The following PCDH11X variants were observed in gnomAD, a reference collection of about 807,000 sequenced individuals.
The protein encoded by PCDH11X is protocadherin-11 X-linked.
PCDH11X carries 18 observed loss-of-function variants against 53.3 expected under a neutral mutation model. The ratio of observed to expected loss-of-function variants is 0.34; its 90% CI spans 0.23 to 0.50. The LOEUF (loss-of-function observed/expected upper bound fraction) is 0.50. PCDH11X is among the 20% of genes least tolerant of loss of function. PCDH11X has a pLI of 0.98. For missense variants in PCDH11X, 570 were observed against 1,032.4 expected (o/e 0.55, Z 6.14); for synonymous variants, 279 against 393.3 (o/e 0.71, Z 3.44).
In PCDH11X at chrX:91,973,458, A is replaced by C. The variant is rs753768231; in HGVS notation, c.3033+94185A>C. 6.4e-5 allele frequency among the ~76,000 whole-genome samples: 7 copies of C among 108,617 alleles called. No individual in the cohort carries two copies. In the South Asian group the frequency reaches 2.8e-3, roughly 44 times the overall value. The allele number at this position is 108,617 out of a possible 115,157, so 94.3% of individuals were successfully genotyped here. A position where few individuals can be genotyped will look rare whatever the true frequency, so the allele number is the denominator to read the frequency against. On this transcript the variant is annotated intron_variant, in intron 6 of 10. Coordinates refer to ENST00000682573, the MANE Select transcript of PCDH11X (RefSeq NM_032968.5). ...TATAATAAAAAAAAAAAATTAAAAA[A>C]AAAAAAAAGAAAATTGCTGGTGACA...
At chrX:91,832,542 T>G (rs1170426769) in intron 4 of PCDH11X, among the ~76,000 whole-genome samples, 1 of 103,458 alleles carries the variant, frequency 9.7e-6, no homozygotes, top group African/African-American at 3.5e-5. Flanking sequence ...TACCTAATGT[T>G]AAATGACGAG....
At chrX:92,359,215 T>A (rs2070289829) in intron 8 of PCDH11X, among the ~76,000 whole-genome samples, 1 of 107,310 alleles carries the variant, frequency 9.3e-6, no homozygotes, top group Non-Finnish European at 1.9e-5. Context: ...TTTTGGAGTG[T>A]GCAGAAGTGA....
chrX:91,992,012 T>C (rs1282493208), intron 6 of PCDH11X, among the ~76,000 whole-genome samples: 1 of 110,720 alleles, frequency 9.0e-6, no homozygotes, highest in Non-Finnish European at 1.9e-5. Context: ...TTTTTGCGTA[T>C]TGTATAATTT....
chrX:91,994,341 T>C lies in PCDH11X; in HGVS notation c.3033+115068T>C, dbSNP rs150116622. On this transcript the variant is annotated intron_variant, in intron 6 of 10. Transcript: ENST00000682573. ...CCCTCCCAGCCCTTGGTAATGACCA[T>C]TCTGCAATCTGTTTCTGAGTTTGAA... Among the ~76,000 whole-genome samples the C allele has an allele frequency of 3.3e-3, 366 of 109,920 alleles. 1 individual carries two copies. The highest frequency in any genetic ancestry group is 0.012 in the African/African-American group (357 of 30,069).
chrX:91,781,754 C>G (rs1230829955), intron 1 of PCDH11X, among the ~76,000 whole-genome samples: 1 of 111,954 alleles, frequency 8.9e-6, no homozygotes, highest in Admixed American at 9.4e-5. Flanking sequence ...ACACGTTTCC[C>G]CCTTTCTTGC....
At chrX:92,129,501 A>C (rs1320212383) in intron 6 of PCDH11X, among the ~76,000 whole-genome samples, 2 of 112,123 alleles carry the variant, frequency 1.8e-5, no homozygotes, top group Non-Finnish European at 3.8e-5. Context: ...AAAGCATACA[A>C]ATTTATTTAG....
intron 6 of PCDH11X, among the ~76,000 whole-genome samples, chrX:92,106,918 A>C (rs1439339374): frequency 9.0e-6 from 1 of 111,631 alleles, no homozygotes; most frequent in Admixed American, 9.5e-5. Flanking sequence ...CACCAGCATT[A>C]GCATCAACAC....
chrX:91,823,025 T>C lies in PCDH11X; in HGVS notation c.-45+11730T>C, dbSNP rs766334018. On this transcript the variant is annotated intron_variant, in intron 4 of 10. Transcript: ENST00000682573. ...ATCCTGAGTTCTAGTTTGATTGCAC[T>C]GTGGTCTGAGAGATAGTTTGTTATA... 6.8e-3 allele frequency among the ~76,000 whole-genome samples: 744 copies of C among 109,605 alleles called. 5 individuals are homozygous for C. The highest frequency in any genetic ancestry group is 0.023 in the African/African-American group (700 of 30,024).
intron 6 of PCDH11X, among the ~76,000 whole-genome samples, chrX:92,128,398 C>CTT (rs1286836898): frequency 1.2e-3 from 120 of 96,758 alleles, no homozygotes; most frequent in Middle Eastern, 5.1e-3. Flanking sequence ...CAGCATTAGT[C>CTT]TTTTTTTTTT....
rs752574427 is a variant in PCDH11X at position 92,132,348 on chromosome X, C to T, written c.3034-69027C>T. ...AAGCCAGGCGCAGTGGCTCACGACG[C>T]TTTTAATCCCAGCACTTTGGTGAGG... On this transcript the variant is annotated intron_variant, in intron 6 of 10. Transcript: ENST00000682573. Among the ~76,000 whole-genome samples, 6 of 86,816 alleles carry T rather than the reference C, an allele frequency of 6.9e-5. No individual in the cohort carries two copies. The South Asian group carries it at 3.9e-3, about 56-fold the overall frequency. 75.4% of individuals were successfully genotyped at this position (86,816 alleles called of 115,157 possible). A position where few individuals can be genotyped will look rare whatever the true frequency, so the allele number is the denominator to read the frequency against.
chrX:92,321,201 T>G (rs1282218365), intron 8 of PCDH11X, among the ~76,000 whole-genome samples: 17 of 100,523 alleles, frequency 1.7e-4, no homozygotes, highest in Non-Finnish European at 3.2e-4. Flanking sequence ...TTTGTTTTTT[T>G]TTTTTTTTTG....
chrX:91,815,176 T>C (rs2147568163), intron 4 of PCDH11X, among the ~76,000 whole-genome samples: 1 of 111,875 alleles, frequency 8.9e-6, no homozygotes, highest in East Asian at 2.8e-4. Flanking sequence ...CCATAGCTCA[T>C]GCTAGGACTT....
intron 6 of PCDH11X, among the ~76,000 whole-genome samples, chrX:92,051,017 T>C (rs1003789414): frequency 1.8e-5 from 2 of 112,137 alleles, no homozygotes; most frequent in African/African-American, 6.5e-5. Flanking sequence ...TTCATATAAA[T>C]TTCTATACTA....
chrX:92,386,902 C>A (rs1236355967), intron 8 of PCDH11X, among the ~76,000 whole-genome samples: 1 of 97,757 alleles, frequency 1.0e-5, no homozygotes, highest in East Asian at 3.0e-4. Flanking sequence ...TGGTCTCAGG[C>A]TATTTGAAAG....
At chrX:91,843,664 G>A (rs1937567212) in intron 5 of PCDH11X, among the ~76,000 whole-genome samples, 1 of 109,527 alleles carries the variant, frequency 9.1e-6, no homozygotes, top group African/African-American at 3.3e-5. Context: ...TAATCATGCT[G>A]CCATTAAGAA....
chrX:91,805,727 G>A (rs902017939), intron 1 of PCDH11X, among the ~76,000 whole-genome samples: 36 of 107,978 alleles, frequency 3.3e-4, no homozygotes, highest in African/African-American at 1.1e-3. Context: ...AGGGGAAACT[G>A]AAGTGGGAGT....
intron 5 of PCDH11X, among the ~76,000 whole-genome samples, chrX:91,863,612 G>C (rs956343549): frequency 9.0e-6 from 1 of 111,293 alleles, no homozygotes. Context: ...ATATTGATAA[G>C]TAAGGACTTA....
intron 7 of PCDH11X, among the ~76,000 whole-genome samples, chrX:92,216,796 C>T (rs1462081861): frequency 3.0e-5 from 3 of 98,869 alleles, no homozygotes; most frequent in Non-Finnish European, 4.1e-5. Context: ...TAAGGGCAGC[C>T]AGAGAGAAAG....
intron 6 of PCDH11X, among the ~76,000 whole-genome samples, chrX:92,140,988 A>T (rs1202024086): frequency 4.5e-5 from 5 of 111,887 alleles, no homozygotes; most frequent in Non-Finnish European, 9.4e-5. Context: ...TTTATTATTA[A>T]TCTATCATTA....
Sources: gnomAD v4.1 joint callset for allele counts (sites outside exome capture counted in the v4.1 genomes callset) on GRCh38, gnomAD v4.1.1 for gene constraint, MANE v1.5 for transcripts, NCBI Gene and HGNC (gene_info 2026-07-23, HGNC 2026-07-21) for gene names.